The following NRG1 variants were observed in gnomAD, a reference collection of about 807,000 sequenced individuals.
NRG1 encodes neuregulin 1.
A neutral mutation model predicts 63.8 loss-of-function variants in NRG1; 18 were observed. That is an observed-to-expected ratio of 0.28 (90% confidence interval 0.19 to 0.42). The LOEUF (loss-of-function observed/expected upper bound fraction) is 0.42, where lower values mean the gene tolerates loss of function less well. Among genes scored for constraint, NRG1 ranks in the 10% least tolerant of loss-of-function variants. The probability of loss-of-function intolerance (pLI) is 1.00; values close to 1 mark genes in which losing one functional copy is unlikely to be tolerated. For synonymous variants in NRG1, 302 were observed against 301.3 expected, an observed-to-expected ratio of 1.00 and a Z score of -0.02; for missense variants, 762 against 814.7, an observed-to-expected ratio of 0.94 and a Z score of 0.79.
chr8:32,156,419 A>C (rs1207342558), intron 1 of NRG1, among the ~76,000 whole-genome samples: 1 of 152,172 alleles, frequency 6.6e-6, no homozygotes, highest in African/African-American at 2.4e-5. Flanking sequence ...TTTTTAGATT[A>C]TGCTTTGCTT....
intron 5 of NRG1, among the ~76,000 whole-genome samples, chr8:32,622,041 C>CA (rs1230609089): frequency 1.7e-4 from 26 of 152,270 alleles, no homozygotes; most frequent in African/African-American, 6.3e-4. Flanking sequence ...TGTTACACGT[C>CA]AAAGCATGGC....
At chr8:32,480,490 C>A (rs199931337) in intron 1 of NRG1, among the ~76,000 whole-genome samples, 7 of 149,052 alleles carry the variant, frequency 4.7e-5, no homozygotes, top group African/African-American at 4.9e-5. Context: ...AAAACAAAAA[C>A]AAAAAAAACA....
In NRG1 at chr8:32,210,189, C is replaced by G. The variant is rs192552283; in HGVS notation, c.38-385639C>G. ...TCAGAGTCCCTTTACAATCCAGGAC[C>G]CAAAGAGGTTTTTTTGTGTTTGTTT... On this transcript the variant is annotated intron_variant, in intron 1 of 10. Coordinates refer to the NRG1 transcript ENST00000519301. Among the ~76,000 whole-genome samples the G allele has an allele frequency of 2.6e-5, 4 of 152,096 alleles. No homozygotes were observed. In the East Asian group the frequency reaches 7.7e-4, roughly 29 times the overall value.
chr8:31,857,857 G>T (rs1828072269), intron 1 of NRG1, among the ~76,000 whole-genome samples: 1 of 152,166 alleles, frequency 6.6e-6, no homozygotes, highest in Non-Finnish European at 1.5e-5. Context: ...AACAAATTTG[G>T]CCCAGGAACT....
At chr8:32,000,549 G>A (rs908709407) in intron 1 of NRG1, among the ~76,000 whole-genome samples, 1 of 151,794 alleles carries the variant, frequency 6.6e-6, no homozygotes, top group Admixed American at 6.6e-5. Context: ...TTACAGGCCT[G>A]AGCCACCATG....
At chr8:31,986,304 G>T (rs1182915216) in intron 1 of NRG1, among the ~76,000 whole-genome samples, 4 of 152,018 alleles carry the variant, frequency 2.6e-5, no homozygotes, top group African/African-American at 9.7e-5. Flanking sequence ...AGGGGAAGAG[G>T]AAGTGGAAGA....
intron 1 of NRG1, among the ~76,000 whole-genome samples, chr8:32,369,602 T>A (rs76525922): frequency 0.025 from 3,733 of 152,268 alleles, 141 homozygotes; most frequent in African/African-American, 0.085. Context: ...AAGAGAGCAG[T>A]GTCCAGGTCT....
At chr8:32,286,805 T>A (rs117252817) in intron 1 of NRG1, among the ~76,000 whole-genome samples, 1 of 152,100 alleles carries the variant, frequency 6.6e-6, no homozygotes, top group Admixed American at 6.5e-5. Context: ...AAGACCAGCT[T>A]GGCCAACCTG....
chr8:31,777,664 C>T (rs573952145), intron 1 of NRG1, among the ~76,000 whole-genome samples: 9 of 152,268 alleles, frequency 5.9e-5, no homozygotes, highest in Non-Finnish European at 1.2e-4. Flanking sequence ...AGAAGCGTGG[C>T]GCCACATCAT....
rs529113141 is a variant in NRG1, at chr8:32,098,866, C to T, written c.37+459435C>T. On this transcript the variant is annotated intron_variant, in intron 1 of 10. Transcript: ENST00000519301. The stretch of plus-strand genomic sequence containing the variant: ...TGGAGCCTGTTGCAGGTGTTTAGCA[C>T]TGACCTTCCACATAACCATGGGTAG... 9 of 152,344 alleles carry T rather than the reference C, an allele frequency of 5.9e-5. No homozygotes were observed. In the East Asian group the frequency reaches 1.7e-3, roughly 29 times the overall value. The allele number at this position is 152,344 out of a possible 1,614,324, so 9.4% of individuals were successfully genotyped here.
chr8:32,748,335 G>GCACACA (rs548320218), intron 7 of NRG1, among the ~76,000 whole-genome samples: 113 of 95,632 alleles, frequency 1.2e-3, no homozygotes, highest in Admixed American at 2.7e-3. Flanking sequence ...ACACGCGCGC[G>GCACACA]CGCGCACACA....
rs575425626 is a variant in NRG1, at chr8:31,947,828, C to A, written c.37+308397C>A. ...GGGTGTGGTGGTGCATTCCTGTAGT[C>A]CCAGCTACTTGGGATGCTGAGGCAG... On this transcript the variant is annotated intron_variant, in intron 1 of 10. Coordinates refer to the NRG1 transcript ENST00000519301. Among the ~76,000 whole-genome samples, 7 of 151,756 alleles carry A rather than the reference C, an allele frequency of 4.6e-5. No homozygotes were observed. The South Asian group carries it at 1.5e-3, about 32-fold the overall frequency.
At chr8:31,982,001 T>A (rs1809196738) in intron 1 of NRG1, among the ~76,000 whole-genome samples, 1 of 151,882 alleles carries the variant, frequency 6.6e-6, no homozygotes, top group South Asian at 2.1e-4. Flanking sequence ...GAACAACATG[T>A]ATAAATATAT....
At chr8:32,619,297 G>A (rs1442943267) in intron 5 of NRG1, among the ~76,000 whole-genome samples, 1 of 152,180 alleles carries the variant, frequency 6.6e-6, no homozygotes, top group Non-Finnish European at 1.5e-5. Context: ...AAGGCCCTTA[G>A]ACAAAAGCAT....
intron 5 of NRG1, chr8:32,721,819 A>G: frequency 2.2e-6 from 3 of 1,350,864 alleles, no homozygotes; most frequent in Admixed American, 3.7e-5. Flanking sequence ...GAGAAGCTAC[A>G]TTAGGTGGCA....
intron 1 of NRG1, among the ~76,000 whole-genome samples, chr8:32,098,165 G>T (rs767268791): frequency 1.4e-5 from 2 of 142,798 alleles, no homozygotes; most frequent in Non-Finnish European, 3.1e-5. Flanking sequence ...AGGCATTTCA[G>T]GCTAGAGAAA....
chr8:31,819,756 A>C (rs568080730), intron 1 of NRG1, among the ~76,000 whole-genome samples: 1 of 152,330 alleles, frequency 6.6e-6, no homozygotes, highest in East Asian at 1.9e-4. Flanking sequence ...TCCTCTTGAC[A>C]TGGAACTATT....
intron 1 of NRG1, among the ~76,000 whole-genome samples, chr8:32,350,708 T>C (rs1189039657): frequency 6.6e-6 from 1 of 152,092 alleles, no homozygotes; most frequent in Non-Finnish European, 1.5e-5. Context: ...CCATAATATG[T>C]ATTCTTATAT....
chr8:32,364,102 T>C (rs1807626532), intron 1 of NRG1, among the ~76,000 whole-genome samples: 1 of 131,108 alleles, frequency 7.6e-6, no homozygotes, highest in African/African-American at 2.9e-5. Context: ...TTTTTTTTGC[T>C]GGTGTTTCAA....
Sources: gnomAD v4.1 joint callset for allele counts (sites outside exome capture counted in the v4.1 genomes callset) on GRCh38, gnomAD v4.1.1 for gene constraint, MANE v1.5 for transcripts, NCBI Gene and HGNC (gene_info 2026-07-23, HGNC 2026-07-21) for gene names.